Variants in LRRTM4 observed in about 807,000 individuals in gnomAD.
LRRTM4 encodes the protein leucine-rich repeat transmembrane neuronal protein 4.
Under a neutral mutation model 47.6 loss-of-function variants are expected in LRRTM4, and 25 were observed. The ratio of observed to expected loss-of-function variants is 0.53; its 90% confidence interval spans 0.38 to 0.73. LRRTM4 has a LOEUF of 0.73. Ranked by LOEUF, LRRTM4 falls within the 30% of genes least tolerant of loss-of-function variation. The probability of loss-of-function intolerance (pLI) is 0.00; values close to 1 mark genes in which losing one functional copy is unlikely to be tolerated. For synonymous variants in LRRTM4, 311 were observed against 269.5 expected (o/e 1.15, Z -1.51); for missense variants, 638 against 713.4 (o/e 0.89, Z 1.20).
rs964087316 is a variant in LRRTM4, at chr2:77,036,666, C to T, written c.1552-287750G>A. 7.9e-5 allele frequency among the ~76,000 whole-genome samples: 12 copies of T among 151,836 alleles called. No homozygotes were observed. The South Asian group carries it at 2.1e-3, about 26-fold the overall frequency. On this transcript the variant is annotated intron_variant, in intron 3 of 3. Coordinates refer to ENST00000409884, the MANE Select transcript of LRRTM4 (RefSeq NM_001134745.3). Reference sequence around the variant, plus strand: ...TGCTATTTCTTTGTAGTCTCCTAAGCACTCAATATAGAGACTTTCAAAGAG... The same window carrying T: ...TGCTATTTCTTTGTAGTCTCCTAAGTACTCAATATAGAGACTTTCAAAGAG...
At chr2:77,412,218 G>GT (rs1400384521) in intron 3 of LRRTM4, among the ~76,000 whole-genome samples, 5 of 152,176 alleles carry the variant, frequency 3.3e-5, no homozygotes, top group Non-Finnish European at 4.4e-5. Flanking sequence ...CTAGACATAG[G>GT]TAAAAAATTT....
intron 3 of LRRTM4, among the ~76,000 whole-genome samples, chr2:77,276,686 C>CATATATATAT (rs3980215): frequency 2.4e-4 from 17 of 71,710 alleles, no homozygotes; most frequent in Admixed American, 7.4e-4. Flanking sequence ...TTTGTGTACG[C>CATATATATAT]ATATATATAT....
chr2:77,179,781 T>C (rs1341492076), intron 3 of LRRTM4, among the ~76,000 whole-genome samples: 1 of 152,106 alleles, frequency 6.6e-6, no homozygotes, highest in African/African-American at 2.4e-5. Context: ...AGGATGCAGG[T>C]CTTAATATAG....
At chr2:77,102,877 A>G (rs1382963643) in intron 3 of LRRTM4, among the ~76,000 whole-genome samples, 1 of 152,080 alleles carries the variant, frequency 6.6e-6, no homozygotes, top group Non-Finnish European at 1.5e-5. Flanking sequence ...TCATTCATCT[A>G]TATATTGTTT....
intron 3 of LRRTM4, among the ~76,000 whole-genome samples, chr2:76,749,538 G>A (rs1474184227): frequency 6.6e-6 from 1 of 151,850 alleles, no homozygotes; most frequent in Admixed American, 6.6e-5. Context: ...TATCAATACT[G>A]GACCAAAGAA....
At chr2:77,205,446 G>A (rs1674096057) in intron 3 of LRRTM4, among the ~76,000 whole-genome samples, 1 of 152,174 alleles carries the variant, frequency 6.6e-6, no homozygotes, top group Admixed American at 6.5e-5. Flanking sequence ...TAGGAACAAT[G>A]AGAAGAGCTG....
intron 3 of LRRTM4, among the ~76,000 whole-genome samples, chr2:77,410,822 G>A (rs1331088964): frequency 6.6e-6 from 1 of 152,114 alleles, no homozygotes; most frequent in African/African-American, 2.4e-5. Context: ...GCCTGGGTCT[G>A]CATATTTCTT....
intron 3 of LRRTM4, among the ~76,000 whole-genome samples, chr2:76,942,085 C>T (rs1675163895): frequency 6.6e-6 from 1 of 152,088 alleles, no homozygotes; most frequent in Non-Finnish European, 1.5e-5. Context: ...TTTGTTTCAT[C>T]TGTTTGTTGT....
intron 3 of LRRTM4, among the ~76,000 whole-genome samples, chr2:76,766,428 T>C (rs1019289884): frequency 1.3e-5 from 2 of 152,196 alleles, no homozygotes; most frequent in Admixed American, 6.5e-5. Flanking sequence ...GGACCACGAC[T>C]ACTGAAATGG....
At chr2:77,486,870 G>C (rs775888525) in intron 3 of LRRTM4, among the ~76,000 whole-genome samples, 1 of 152,050 alleles carries the variant, frequency 6.6e-6, no homozygotes, top group Non-Finnish European at 1.5e-5. Flanking sequence ...TGACAGATCC[G>C]TACTAGAAAT....
intron 3 of LRRTM4, among the ~76,000 whole-genome samples, chr2:76,912,250 A>G (rs1674093707): frequency 6.6e-6 from 1 of 152,204 alleles, no homozygotes. Flanking sequence ...ATGTATGAAT[A>G]TAATAAAATA....
chr2:76,831,447 T>C (rs1432041390), intron 3 of LRRTM4, among the ~76,000 whole-genome samples: 1 of 152,160 alleles, frequency 6.6e-6, no homozygotes, highest in Non-Finnish European at 1.5e-5. Flanking sequence ...TTATCTAATT[T>C]TGATACTCAC....
intron 3 of LRRTM4, among the ~76,000 whole-genome samples, chr2:77,013,572 A>T (rs896905994): frequency 1.3e-5 from 2 of 152,150 alleles, no homozygotes; most frequent in African/African-American, 4.8e-5. Context: ...TAGATCTTCC[A>T]AAACAATTGA....
intron 3 of LRRTM4, among the ~76,000 whole-genome samples, chr2:77,158,329 C>A (rs1407391824): frequency 6.6e-6 from 1 of 152,144 alleles, no homozygotes; most frequent in Non-Finnish European, 1.5e-5. Context: ...AATTTCTCAT[C>A]ACAGATGTAT....
At chr2:77,463,235 G>A (rs1163532115) in intron 3 of LRRTM4, among the ~76,000 whole-genome samples, 2 of 151,918 alleles carry the variant, frequency 1.3e-5, no homozygotes, top group Non-Finnish European at 2.9e-5. Context: ...ACAATGGTAA[G>A]CACTTGTGTA....
chr2:77,073,765 C>G (rs151255817), intron 3 of LRRTM4, among the ~76,000 whole-genome samples: 1 of 151,852 alleles, frequency 6.6e-6, no homozygotes, highest in African/African-American at 2.4e-5. Context: ...GTCTCTCTCT[C>G]TCTCTATATA....
At chr2:77,114,032 TG>T (rs1305538796) in intron 3 of LRRTM4, among the ~76,000 whole-genome samples, 1 of 151,520 alleles carries the variant, frequency 6.6e-6, no homozygotes, top group Non-Finnish European at 1.5e-5. Context: ...CATCATCAGG[TG>T]GGGGAGGAGT....
At chr2:76,912,070 G>A (rs1038230542) in intron 3 of LRRTM4, among the ~76,000 whole-genome samples, 3 of 151,480 alleles carry the variant, frequency 2.0e-5, no homozygotes, top group Admixed American at 6.6e-5. Context: ...ATAGGCGCCC[G>A]CCACCATGCC....
chr2:77,258,747 A>T (rs1675836750), intron 3 of LRRTM4, among the ~76,000 whole-genome samples: 1 of 151,612 alleles, frequency 6.6e-6, no homozygotes, highest in African/African-American at 2.4e-5. Flanking sequence ...TATTCTCACC[A>T]TTCTTATTTT....
Sources: allele counts gnomAD v4.1 joint callset (sites outside exome capture counted in the v4.1 genomes callset), GRCh38; gene constraint gnomAD v4.1.1; transcripts MANE v1.5; gene names NCBI Gene and HGNC (gene_info 2026-07-23, HGNC 2026-07-21).